The following MAPK8IP2 variants were observed in gnomAD, a reference collection of about 807,000 sequenced individuals.
MAPK8IP2 encodes the protein mitogen-activated protein kinase 8 interacting protein 2.
Under a neutral mutation model 75.6 loss-of-function variants are expected in MAPK8IP2, and 15 were observed. That is an observed-to-expected ratio of 0.20 (90% CI 0.13 to 0.31). The LOEUF (loss-of-function observed/expected upper bound fraction) is 0.31, where lower values mean the gene tolerates loss of function less well. Among genes scored for constraint, MAPK8IP2 ranks in the 10% least tolerant of loss-of-function variants. The pLI is 1.00. For synonymous variants in MAPK8IP2, 632 were observed against 554.5 expected (o/e 1.14, Z -1.96); for missense variants, 1,089 against 1,211.2 (o/e 0.90, Z 1.50).
Position 50,605,664 on chromosome 22 carries a change from C to G in MAPK8IP2, c.1944C>G (p.Arg648=). 10 of 1,612,622 alleles carry G rather than the reference C, an allele frequency of 6.2e-6. No homozygotes were observed. The highest frequency in any genetic ancestry group is 8.5e-6 in the Non-Finnish European group (10 of 1,179,660). Residue 648 remains arginine, a synonymous_variant, in exon 7 of 12, where the codon CGC becomes CGG. Coordinates refer to ENST00000329492, the MANE Select transcript of MAPK8IP2 (RefSeq NM_012324.6). ...DDFWFRGFNM[R]TGERGVFPAF... ...TCTGGTTCCGTGGCTTCAACATGCGCACGGGGGAGCGCGGTGTGTTTCCTG... is the reference window on the plus strand; with the variant it reads ...TCTGGTTCCGTGGCTTCAACATGCGGACGGGGGAGCGCGGTGTGTTTCCTG...
In MAPK8IP2 at chr22:50,603,971, A is replaced by G. The variant is rs1287619508; in HGVS notation, c.672A>G (p.Ser224=). Reference sequence around the variant, plus strand: ...CGCCAGGGGGGACTTCGCCCTCCTCAGATCCCGGCATCGAGGCTGACCTGA... The same window carrying G: ...CGCCAGGGGGGACTTCGCCCTCCTCGGATCCCGGCATCGAGGCTGACCTGA... ...PPAPGGTSPS[S]DPGIEADLRS... is the part of the protein sequence containing the mutation. The change falls in exon 5 of 12, where the codon TCA becomes TCG. Residue 224 remains serine (S), a synonymous_variant. Coordinates refer to ENST00000329492, the MANE Select transcript of MAPK8IP2 (RefSeq NM_012324.6). The G allele has an allele frequency of 1.0e-5, 16 of 1,556,022 alleles. No homozygotes were observed. Among genetic ancestry groups the G allele is most frequent in the Non-Finnish European group, 1.4e-5 (16 of 1,157,142 alleles).
chr22:50,602,178 C>T (rs1221615916), intron 2 of MAPK8IP2, among the ~76,000 whole-genome samples: 1 of 152,224 alleles, frequency 6.6e-6, no homozygotes, highest in Non-Finnish European at 1.5e-5. Context: ...TGCCCTCTGT[C>T]CTCAGATCAC....
At position 50,600,890 on chromosome 22, in the gene MAPK8IP2, C is replaced by A. The variant is rs374445011; in HGVS notation, c.65+7C>A. 434 of 1,249,360 alleles carry A rather than the reference C, an allele frequency of 3.5e-4. 1 individual carries two copies. The African/African-American group carries it at 4.4e-3, about 13-fold the overall frequency. 77.4% of individuals were successfully genotyped at this position (1,249,360 alleles called of 1,614,324 possible). ...TGTCGCCGCCGGGCTGCAGGTACCC[C>A]CCTCGGCGCCCGGGCCGGGCGGACC... On this transcript the variant is annotated splice_region_variant and intron_variant, in intron 1 of 11. Coordinates refer to ENST00000329492, the MANE Select transcript of MAPK8IP2 (RefSeq NM_012324.6).
chr22:50,605,528 C>A, intron 6 of MAPK8IP2, 34 bp from the exon 7 acceptor site: 2 of 686,624 alleles, frequency 2.9e-6, no homozygotes, highest in Non-Finnish European at 5.0e-6. Context: ...GTCAATCCCG[C>A]CCCCCTCCCC....
In MAPK8IP2 at chr22:50,613,381, C is replaced by T. The variant is rs773843534; in HGVS notation, c.*2602C>T. 11 of 152,826 alleles carry T rather than the reference C, an allele frequency of 7.2e-5. No individual in the cohort carries two copies. The highest frequency in any genetic ancestry group is 2.1e-4 in the South Asian group (1 of 4,830). 9.5% of individuals were successfully genotyped at this position (152,826 alleles called of 1,614,324 possible). A position where few individuals can be genotyped will look rare whatever the true frequency, so the allele number is the denominator to read the frequency against. On this transcript the variant is annotated 3_prime_UTR_variant, in exon 12 of 12. Coordinates refer to ENST00000329492, the MANE Select transcript of MAPK8IP2 (RefSeq NM_012324.6). ...CACCTGAGCTGCAGGCCTTGGTCAC[C>T]CCAGACTCCTCCCTCCTGTCACCCT...
rs772157185 is a variant in MAPK8IP2 at position 50,604,334 on chromosome 22, G to A, written c.1035G>A (p.Ala345=). Residue 345 remains alanine, a synonymous_variant, in exon 5 of 12, where the codon GCG becomes GCA. Transcript: ENST00000329492. The stretch of plus-strand genomic sequence containing the variant: ...CGGAGCCGGACCTCAGCGAGGACGC[G>A]GACTCGCCCTGGCTGCTCAGCAACC... ...SESEPDLSED[A]DSPWLLSNLV... 6 of 1,537,030 alleles carry A rather than the reference G, an allele frequency of 3.9e-6. No individual in the cohort carries two copies. In the African/African-American group the frequency reaches 8.3e-5, roughly 21 times the overall value.
intron 5 of MAPK8IP2, 120 bp from the exon 6 acceptor site, chr22:50,605,248 C>A: frequency 8.8e-7 from 1 of 1,139,086 alleles, no homozygotes; most frequent in Non-Finnish European, 1.3e-6. Context: ...CCTTCCCGCT[C>A]GTAGGACACC....
intron 10 of MAPK8IP2, among the ~76,000 whole-genome samples, chr22:50,608,296 G>A (rs1212948705): frequency 6.6e-6 from 1 of 151,398 alleles, no homozygotes; most frequent in Non-Finnish European, 1.5e-5. Flanking sequence ...CCAGACTGCG[G>A]GGCCAGCTCT....
At position 50,610,406 on chromosome 22, in the gene MAPK8IP2, A is replaced by C; in HGVS notation, c.2402+96A>C. Reference sequence around the variant, plus strand: ...GGTGGGGGCAGGAGCCTGGCAGGGGAGGTCTGGGGAAGGAGAACCAGATGT... The same window carrying C: ...GGTGGGGGCAGGAGCCTGGCAGGGGCGGTCTGGGGAAGGAGAACCAGATGT... On this transcript the variant is annotated intron_variant, in intron 11 of 11. Transcript: ENST00000329492. The surrounding 1 kb of genome is among the most constrained non-coding windows in gnomAD (Gnocchi z 4.3). 9.3e-7 allele frequency: 1 copy of C among 1,070,586 alleles called. No individual in the cohort carries two copies. 66.3% of individuals were successfully genotyped at this position (1,070,586 alleles called of 1,614,324 possible).
intron 10 of MAPK8IP2, among the ~76,000 whole-genome samples, chr22:50,609,435 T>C (rs1018943485): frequency 1.3e-4 from 20 of 152,180 alleles, no homozygotes; most frequent in African/African-American, 4.6e-4. Flanking sequence ...GGTCGGCGCT[T>C]ATTACCATCA....
rs570407965 is a variant in MAPK8IP2, at chr22:50,607,491, G to A, written c.2303+500G>A. Among the ~76,000 whole-genome samples, 1 of 152,284 alleles carries A rather than the reference G, an allele frequency of 6.6e-6. No homozygotes were observed. Among genetic ancestry groups the A allele is most frequent in the South Asian group, 2.1e-4 (1 of 4,816 alleles). On this transcript the variant is annotated intron_variant, in intron 10 of 11. Transcript: ENST00000329492. This position sits in a 1 kb window ranked among gnomAD's most constrained non-coding sequence, Gnocchi z 5.6. ...AGCTGTACTTAATCTTGCTGGTAAT[G>A]AGGCCATAGAAGGCTCCTAATGGAA...
At chr22:50,606,880 G>C in intron 9 of MAPK8IP2, 41 bp from the exon 10 acceptor site, 1 of 1,607,208 alleles carries the variant, frequency 6.2e-7, no homozygotes. Flanking sequence ...GTGGCGCCAG[G>C]CCTCCTTTGA....
chr22:50,606,612 CT>C (rs1320653115), intron 8 of MAPK8IP2, 45 bp from the exon 9 acceptor site: 1 of 1,374,282 alleles, frequency 7.3e-7, no homozygotes, highest in African/African-American at 1.4e-5. Flanking sequence ...AAGAAAGGCC[CT>C]TGTGGGCTCC....
Position 50,603,938 on chromosome 22 carries a change from A to AC in MAPK8IP2, c.644dup (p.Ala216CysfsTer16). On this transcript the variant is annotated frameshift_variant, in exon 5 of 12. Transcript: ENST00000329492. LOFTEE classifies it high-confidence loss of function. Reference sequence around the variant, plus strand: ...ACTGCGAAGGGAACCGGCCTGCGGAACCCCCTGCGCCAGGGGGGACTTCGC... The same window carrying AC: ...ACTGCGAAGGGAACCGGCCTGCGGAACCCCCCTGCGCCAGGGGGGACTTCGC... 2 of 1,540,562 alleles carry AC rather than the reference A, an allele frequency of 1.3e-6. No homozygotes were observed. Among genetic ancestry groups the AC allele is most frequent in the Non-Finnish European group, 8.7e-7 (1 of 1,147,906 alleles).
Position 50,607,404 on chromosome 22 carries a change from G to A in MAPK8IP2, c.2303+413G>A, listed in dbSNP as rs939883611. ...GGGGGCTATATAGGCTCTGGGGCCC[G>A]CGTGTAAGGGGAGCAGCTAGAAATG... On this transcript the variant is annotated intron_variant, in intron 10 of 11. Coordinates refer to ENST00000329492, the MANE Select transcript of MAPK8IP2 (RefSeq NM_012324.6). This position sits in a 1 kb window ranked among gnomAD's most constrained non-coding sequence, Gnocchi z 5.6. Among the ~76,000 whole-genome samples, 4 of 152,122 alleles carry A rather than the reference G, an allele frequency of 2.6e-5. No homozygotes were observed. Among genetic ancestry groups the A allele is most frequent in the East Asian group, 1.9e-4 (1 of 5,198 alleles).
rs756257931 is a variant in MAPK8IP2, at chr22:50,604,082, C to T, written c.783C>T (p.Gly261=). Reference sequence around the variant, plus strand: ...GCTCCGACTCGGAGGACGCGGGCGGCGCGCGCCTGGGGCGCATGATCTCGT... The same window carrying T: ...GCTCCGACTCGGAGGACGCGGGCGGTGCGCGCCTGGGGCGCATGATCTCGT... ...SPGSDSEDAG[G]ARLGRMISSI... Residue 261 remains glycine, a synonymous_variant, in exon 5 of 12, where the codon GGC becomes GGT. Coordinates refer to ENST00000329492, the MANE Select transcript of MAPK8IP2 (RefSeq NM_012324.6). The T allele has an allele frequency of 1.6e-5, 25 of 1,543,782 alleles. No homozygotes were observed. Among genetic ancestry groups the T allele is most frequent in the East Asian group, 1.2e-4 (5 of 40,824 alleles).
At chr22:50,609,631 A>G (rs965618) in intron 10 of MAPK8IP2, 286,305 of 406,514 alleles carry the variant, frequency 0.7, 101,789 homozygotes, top group East Asian at 0.82. Context: ...CTGCTGCAGA[A>G]CTCTGCCTGC....
At chr22:50,601,953 T>A in intron 2 of MAPK8IP2, 59 bp downstream of exon 2, 1 of 1,431,314 alleles carries the variant, frequency 7.0e-7, no homozygotes, top group Non-Finnish European at 9.9e-7. Context: ...TAGGTTCTTC[T>A]TAGCGTTCAC....
chr22:50,604,915 ACAGCGGCGGGGAGGC>A lies in MAPK8IP2; in HGVS notation c.1622_1636del (p.Gly541_Ser545del), dbSNP rs773408130. On this transcript the variant is annotated inframe_deletion, in exon 5 of 12. Transcript: ENST00000329492. ...GGGCTGGGCCACGACAGCGAAGAGG[ACAGCGGCGGGGAGGC>A]CAGCGAGGAGGAGGCGGGCGCGGCG... is the stretch of plus-strand genomic sequence containing the variant. 1 of 1,610,014 alleles carries A rather than the reference ACAGCGGCGGGGAGGC, an allele frequency of 6.2e-7. No homozygotes were observed. The highest frequency in any genetic ancestry group is 1.1e-5 in the South Asian group (1 of 90,898).
Sources: gnomAD v4.1 joint callset for allele counts (sites outside exome capture counted in the v4.1 genomes callset) on GRCh38, gnomAD v4.1.1 for gene constraint, Gnocchi (gnomAD v3.1) non-coding constraint, MANE v1.5 for transcripts, NCBI Gene and HGNC (gene_info 2026-07-23, HGNC 2026-07-21) for gene names.